The following LMNB1 variants were observed in gnomAD, a reference collection of about 807,000 sequenced individuals.
The protein encoded by LMNB1 is lamin-B1.
Under a neutral mutation model 67.1 loss-of-function variants are expected in LMNB1, and 23 were observed. The ratio of observed to expected loss-of-function variants is 0.34; its 90% CI spans 0.25 to 0.49. The LOEUF is 0.49. Among genes scored for constraint, LMNB1 ranks in the 20% least tolerant of loss-of-function variants. The pLI is 0.99. For synonymous variants in LMNB1, 281 were observed against 282.9 expected (o/e 0.99, Z 0.07); for missense variants, 634 against 746.5 (o/e 0.85, Z 1.76).
At chr5:126,825,537 T>G (rs905702661) in intron 8 of LMNB1, among the ~76,000 whole-genome samples, 1 of 152,116 alleles carries the variant, frequency 6.6e-6, no homozygotes, top group African/African-American at 2.4e-5. Context: ...CACAGAAGGC[T>G]CTAACATGGA....
At chr5:126,792,176 T>C (rs1178212367) in intron 1 of LMNB1, among the ~76,000 whole-genome samples, 1 of 147,332 alleles carries the variant, frequency 6.8e-6, no homozygotes, top group Non-Finnish European at 1.5e-5. Context: ...AGAGTCTTAC[T>C]CTGTCACCCA....
rs1361083342 is a variant in LMNB1, at chr5:126,810,184, T to C, written c.647T>C (p.Ile216Thr). 3 of 1,610,202 alleles carry C rather than the reference T, an allele frequency of 1.9e-6. No individual in the cohort carries two copies. The highest frequency in any genetic ancestry group is 1.1e-5 in the South Asian group (1 of 90,862). Residue 216 changes from isoleucine (I) to threonine (T), a missense_variant, in exon 4 of 11, where the codon ATT becomes ACT. By Grantham distance (89) the Ile-to-Thr change is moderately conservative. Transcript: ENST00000261366. ...TGCTTTTTGTTTTTTCCCCAGGAGA[T>C]TAACGAGACCAGAAGGAAGCATGAA... Reference protein sequence around the residue: ...EFRKSMYEEEINETRRKHETR... With the variant: ...EFRKSMYEEETNETRRKHETR...
chr5:126,778,817 CAG>C (rs954574495), intron 1 of LMNB1, among the ~76,000 whole-genome samples: 1 of 152,120 alleles, frequency 6.6e-6, no homozygotes, highest in African/African-American at 2.4e-5. Context: ...GGGCAGGTGA[CAG>C]GGTGCTGTGT....
rs180913974 is a variant in LMNB1 at position 126,796,019 on chromosome 5, G to A, written c.360-8757G>A. The stretch of plus-strand genomic sequence containing the variant: ...GCGATCTTGGCTCACTGCAACCTCC[G>A]CCTCCCAGGTTCAAGCAATTCTCCT... On this transcript the variant is annotated intron_variant, in intron 1 of 10. Transcript: ENST00000261366. 4.7e-5 allele frequency among the ~76,000 whole-genome samples: 6 copies of A among 127,756 alleles called. No homozygotes were observed. The East Asian group carries it at 1.3e-3, about 27-fold the overall frequency. 83.8% of individuals were successfully genotyped at this position (127,756 alleles called of 152,430 possible). A position where few individuals can be genotyped will look rare whatever the true frequency, so the allele number is the denominator to read the frequency against.
intron 1 of LMNB1, among the ~76,000 whole-genome samples, chr5:126,802,301 TATTA>T (rs759001142): frequency 1.4e-4 from 21 of 152,210 alleles, no homozygotes; most frequent in Non-Finnish European, 1.9e-4. Flanking sequence ...TTGAAATTTT[TATTA>T]ATTAAAGATT....
intron 6 of LMNB1, among the ~76,000 whole-genome samples, chr5:126,819,487 T>C (rs1462189327): frequency 2.0e-5 from 3 of 150,720 alleles, no homozygotes; most frequent in African/African-American, 4.9e-5. Context: ...TATTTATTTA[T>C]TTATTTATTT....
chr5:126,805,452 T>TA, intron 2 of LMNB1, 119 bp from the exon 3 acceptor site: 2 of 683,222 alleles, frequency 2.9e-6, no homozygotes, highest in Non-Finnish European at 4.9e-6. Context: ...GAAGTAATTA[T>TA]ACATTGATAA....
intron 5 of LMNB1, among the ~76,000 whole-genome samples, chr5:126,816,968 A>G (rs183608753): frequency 6.6e-6 from 1 of 152,218 alleles, no homozygotes; most frequent in African/African-American, 2.4e-5. Context: ...AGTCCAGCCT[A>G]CCCTCAAGGG....
chr5:126,782,269 A>C (rs6595736), intron 1 of LMNB1, among the ~76,000 whole-genome samples: 31,278 of 152,146 alleles, frequency 0.21, 3,351 homozygotes, highest in East Asian at 0.3. Context: ...CCTGGGGGCC[A>C]GATGTGCTTT....
intron 1 of LMNB1, among the ~76,000 whole-genome samples, chr5:126,804,413 T>A (rs770038674): frequency 1.7e-4 from 26 of 152,118 alleles, no homozygotes; most frequent in Non-Finnish European, 3.4e-4. Flanking sequence ...ATGTTTTGGC[T>A]TATAATATGC....
At chr5:126,825,775 TATATA>T (rs1751979581) in intron 8 of LMNB1, among the ~76,000 whole-genome samples, 1 of 152,188 alleles carries the variant, frequency 6.6e-6, no homozygotes, top group African/African-American at 2.4e-5. Flanking sequence ...TTCAGGGTCT[TATATA>T]TTATCATCTT....
chr5:126,816,648 C>T (rs2126724202), intron 5 of LMNB1, among the ~76,000 whole-genome samples: 1 of 152,320 alleles, frequency 6.6e-6, no homozygotes, highest in East Asian at 1.9e-4. Flanking sequence ...CCACATGCCT[C>T]CCCTGGTCTG....
intron 1 of LMNB1, among the ~76,000 whole-genome samples, chr5:126,798,276 C>A (rs923908965): frequency 6.6e-6 from 1 of 152,066 alleles, no homozygotes; most frequent in Non-Finnish European, 1.5e-5. Context: ...GGTGAAACCC[C>A]GTCTCTACTA....
chr5:126,776,714 C>T (rs1415828499), upstream of LMNB1: 1 of 152,282 alleles, frequency 6.6e-6, no homozygotes, highest in Non-Finnish European at 1.5e-5. Flanking sequence ...TTGAATTTCC[C>T]TGAACCGCCG....
chr5:126,810,080 G>T, intron 3 of LMNB1, 100 bp from the exon 4 acceptor site: 3 of 1,108,862 alleles, frequency 2.7e-6, no homozygotes, highest in Non-Finnish European at 2.6e-6. Context: ...ACAGGAGGAA[G>T]TTCGTGTGTA....
chr5:126,816,909 GCTA>G (rs1435254407), intron 5 of LMNB1, among the ~76,000 whole-genome samples: 9 of 152,288 alleles, frequency 5.9e-5, no homozygotes, highest in African/African-American at 2.2e-4. Context: ...TGTCAACAGC[GCTA>G]CTATTTTTCC....
At chr5:126,834,235 C>A (rs1291879057) in intron 10 of LMNB1, among the ~76,000 whole-genome samples, 3 of 150,478 alleles carry the variant, frequency 2.0e-5, no homozygotes, top group African/African-American at 7.3e-5. Context: ...GAGATAGAGT[C>A]TTGCTGTGTC....
At chr5:126,832,907 G>A (rs1004366163) in intron 10 of LMNB1, 106 bp downstream of exon 10, 29 of 632,238 alleles carry the variant, frequency 4.6e-5, no homozygotes, top group Middle Eastern at 9.3e-4. Flanking sequence ...ATGAACCAGC[G>A]CAGTTATCTA....
chr5:126,780,428 A>G (rs1343776917), intron 1 of LMNB1, among the ~76,000 whole-genome samples: 1 of 152,210 alleles, frequency 6.6e-6, no homozygotes, highest in Non-Finnish European at 1.5e-5. Flanking sequence ...TCACACAGTA[A>G]CAAGGCTGCC....
Sources: gnomAD v4.1 joint callset for allele counts (sites outside exome capture counted in the v4.1 genomes callset) on GRCh38, gnomAD v4.1.1 for gene constraint, MANE v1.5 for transcripts, NCBI Gene and HGNC (gene_info 2026-07-23, HGNC 2026-07-21) for gene names.